The following OPTC variants were observed in gnomAD, a reference collection of about 807,000 sequenced individuals.
The protein encoded by OPTC is oculoglycan.
OPTC carries 22 observed loss-of-function variants against 25.4 expected under a neutral mutation model. The ratio of observed to expected loss-of-function variants is 0.87; its 90% CI spans 0.62 to 1.24. The LOEUF is 1.24. Among genes scored for constraint, OPTC ranks in the 50% most tolerant of loss-of-function variants. The pLI is 0.00. For synonymous variants in OPTC, 169 were observed against 179.3 expected, an observed-to-expected ratio of 0.94 and a Z score of 0.46; for missense variants, 417 against 425.2, an observed-to-expected ratio of 0.98 and a Z score of 0.17.
chr1:203,507,881 C>A (rs1661522077), intron 7 of OPTC, among the ~76,000 whole-genome samples: 1 of 152,204 alleles, frequency 6.6e-6, no homozygotes, highest in South Asian at 2.1e-4. Context: ...CCCACCCTGA[C>A]CTTGCCTGGA....
At chr1:203,498,862 A>G in intron 4 of OPTC, 23 bp downstream of exon 4, 2 of 1,613,132 alleles carry the variant, frequency 1.2e-6, no homozygotes, top group African/African-American at 1.3e-5. Flanking sequence ...CTGGGAAAAG[A>G]GGAGTGGGGG....
chr1:203,498,622 G>A, intron 3 of OPTC, 59 bp from the exon 4 acceptor site: 2 of 1,601,202 alleles, frequency 1.2e-6, no homozygotes, highest in Middle Eastern at 1.7e-4. Context: ...CTGGGGCGAG[G>A]GCCATTGGCC....
At chr1:203,495,915 T>C in intron 1 of OPTC, 50 bp from the exon 2 acceptor site, 1 of 849,200 alleles carries the variant, frequency 1.2e-6, no homozygotes, top group Non-Finnish European at 2.0e-6. Context: ...CACAACACTC[T>C]GGAGAGCCTG....
chr1:203,499,975 C>A, intron 5 of OPTC, 124 bp downstream of exon 5: 2 of 805,166 alleles, frequency 2.5e-6, no homozygotes. Context: ...TACCACCCAC[C>A]TCCACCATCA....
chr1:203,504,254 A>T (rs565975467), intron 7 of OPTC, among the ~76,000 whole-genome samples: 2 of 152,380 alleles, frequency 1.3e-5, no homozygotes, highest in Middle Eastern at 3.4e-3. Context: ...TATTGAAAAC[A>T]AATGTAATAA....
At chr1:203,499,977 C>G in intron 5 of OPTC, 126 bp downstream of exon 5, 1 of 764,748 alleles carries the variant, frequency 1.3e-6, no homozygotes, top group Non-Finnish European at 2.2e-6. Flanking sequence ...CCACCCACCT[C>G]CACCATCACC....
chr1:203,502,084 G>A (rs1359074176), intron 5 of OPTC, among the ~76,000 whole-genome samples: 1 of 152,114 alleles, frequency 6.6e-6, no homozygotes, highest in Non-Finnish European at 1.5e-5. Flanking sequence ...AGCTGCTGGA[G>A]GGTTAAATAA....
chr1:203,503,013 A>G lies in OPTC; in HGVS notation c.828+4A>G. Reference sequence around the variant, plus strand: ...CCTGCGCTCTGTACACCTGCAGGTAAGGAGCACCACCCAGAGCAAGGGTGA... The same window carrying G: ...CCTGCGCTCTGTACACCTGCAGGTAGGGAGCACCACCCAGAGCAAGGGTGA... On this transcript the variant is annotated splice_donor_region_variant and intron_variant, in intron 6 of 7. Transcript: ENST00000367222. The G allele has an allele frequency of 6.2e-7, 1 of 1,609,102 alleles. No individual in the cohort carries two copies. Among genetic ancestry groups the G allele is most frequent in the Non-Finnish European group, 8.5e-7 (1 of 1,175,854 alleles).
chr1:203,501,110 G>T (rs773393027), intron 5 of OPTC, among the ~76,000 whole-genome samples: 1 of 152,128 alleles, frequency 6.6e-6, no homozygotes, highest in African/African-American at 2.4e-5. Flanking sequence ...TTTTGTTGTT[G>T]TTGTTTTGAG....
intron 7 of OPTC, among the ~76,000 whole-genome samples, chr1:203,507,247 C>A (rs1342645164): frequency 6.6e-6 from 1 of 152,130 alleles, no homozygotes; most frequent in Non-Finnish European, 1.5e-5. Context: ...CCTCTTTAGC[C>A]AGAGTGAGGC....
At chr1:203,495,435 G>T (rs899759853) in intron 1 of OPTC, among the ~76,000 whole-genome samples, 9 of 152,164 alleles carry the variant, frequency 5.9e-5, no homozygotes, top group Non-Finnish European at 1.2e-4. Flanking sequence ...AGATTCGCTT[G>T]AACCCAGAAG....
intron 7 of OPTC, among the ~76,000 whole-genome samples, chr1:203,508,185 C>G (rs1359965869): frequency 2.0e-5 from 3 of 152,218 alleles, no homozygotes; most frequent in Non-Finnish European, 4.4e-5. Flanking sequence ...GAATTCTTGT[C>G]AGAGAAATGG....
chr1:203,501,921 C>T (rs1249163351), intron 5 of OPTC, among the ~76,000 whole-genome samples: 4 of 152,096 alleles, frequency 2.6e-5, no homozygotes, highest in Admixed American at 6.5e-5. Context: ...TATTAGGAGG[C>T]GCTGCTTTGC....
rs188585037 is a variant in OPTC, at chr1:203,502,328, C to T, written c.733-586C>T. 1.2e-4 allele frequency among the ~76,000 whole-genome samples: 18 copies of T among 152,286 alleles called. No individual in the cohort carries two copies. The East Asian group carries it at 3.5e-3, about 29-fold the overall frequency. On this transcript the variant is annotated intron_variant, in intron 5 of 7. Coordinates refer to ENST00000367222, the MANE Select transcript of OPTC (RefSeq NM_014359.4). ...TCTGGCTGTCTCCCGAGTGTCTGCT[C>T]TGTACCTGCTCCTCACCCAGAGCAT...
At chr1:203,507,719 C>T (rs1661518433) in intron 7 of OPTC, among the ~76,000 whole-genome samples, 1 of 151,896 alleles carries the variant, frequency 6.6e-6, no homozygotes, top group African/African-American at 2.4e-5. Context: ...TGACCTCCCC[C>T]TCTGCCTGCC....
At chr1:203,499,440 C>T (rs1224568521) in intron 4 of OPTC, among the ~76,000 whole-genome samples, 1 of 152,012 alleles carries the variant, frequency 6.6e-6, no homozygotes, top group Non-Finnish European at 1.5e-5. Context: ...GACAAAACTC[C>T]AGGGAGGGGC....
chr1:203,505,951 A>AGTGTGTGT (rs34373102), intron 7 of OPTC, among the ~76,000 whole-genome samples: 5 of 149,980 alleles, frequency 3.3e-5, no homozygotes, highest in South Asian at 2.1e-4. Context: ...TCTCTCTCAG[A>AGTGTGTGT]GTGTGTGTGT....
intron 7 of OPTC, among the ~76,000 whole-genome samples, chr1:203,507,945 T>C (rs1046357131): frequency 2.6e-5 from 4 of 152,194 alleles, no homozygotes; most frequent in Non-Finnish European, 5.9e-5. Flanking sequence ...TAGTAATCTC[T>C]TACATTTCTG....
At position 203,499,681 on chromosome 1, in the gene OPTC, C is replaced by A; in HGVS notation, c.562C>A (p.Leu188Ile). Residue 188 changes from leucine (L) to isoleucine (I), a missense_variant, in exon 5 of 8, where the codon CTC (leucine) becomes ATC (isoleucine). Transcript: ENST00000367222. ...GAAGAGGATTGACCTCTCCAACAAC[C>A]TCATTTCCTCCATCGATAATGATGC... ...KLKRIDLSNN[L>I]ISSIDNDAFR... The A allele has an allele frequency of 6.2e-7, 1 of 1,613,584 alleles. No homozygotes were observed. The highest frequency in any genetic ancestry group is 1.1e-5 in the South Asian group (1 of 91,072).
Sources: allele counts gnomAD v4.1 joint callset (sites outside exome capture counted in the v4.1 genomes callset), GRCh38; gene constraint gnomAD v4.1.1; transcripts MANE v1.5; gene names NCBI Gene and HGNC (gene_info 2026-07-23, HGNC 2026-07-21).